Variants in SHISA6 observed in about 807,000 individuals in gnomAD.
SHISA6 encodes protein shisa-6.
Under a neutral mutation model 47.9 loss-of-function variants are expected in SHISA6, and 22 were observed. That is an observed-to-expected ratio of 0.46 (90% CI 0.33 to 0.66). The LOEUF (loss-of-function observed/expected upper bound fraction) is 0.66. Among genes scored for constraint, SHISA6 ranks in the 30% least tolerant of loss-of-function variants. The probability of loss-of-function intolerance (pLI) is 0.02; values close to 1 mark genes in which losing one functional copy is unlikely to be tolerated. For missense variants in SHISA6, 680 were observed against 764.6 expected (o/e 0.89, Z 1.30); for synonymous variants, 388 against 337.8 (o/e 1.15, Z -1.63).
intron 3 of SHISA6, among the ~76,000 whole-genome samples, chr17:11,407,591 TA>T (rs374688931): frequency 7.8e-4 from 119 of 152,278 alleles, no homozygotes; most frequent in African/African-American, 2.6e-3. Context: ...CTAACTTACT[TA>T]TAAAAACAAA....
rs562158409 is a variant in SHISA6 at position 11,484,303 on chromosome 17, T to C, written c.896-67593T>C. On this transcript the variant is annotated intron_variant, in intron 3 of 5. Transcript: ENST00000441885. ...AAATACAAATAAAATATGCAAAGCATGCATCCACATCAATGAGAACAAACT... is the reference window on the plus strand; with the variant it reads ...AAATACAAATAAAATATGCAAAGCACGCATCCACATCAATGAGAACAAACT... Among the ~76,000 whole-genome samples, 133 of 152,342 alleles carry C rather than the reference T, an allele frequency of 8.7e-4. 1 individual carries two copies. The highest frequency in any genetic ancestry group is 3.1e-3 in the African/African-American group (128 of 41,590).
At chr17:11,265,108 G>A (rs989171) in intron 2 of SHISA6, among the ~76,000 whole-genome samples, 149,493 of 152,328 alleles carry the variant, frequency 0.98, 73,406 homozygotes, top group East Asian at 1. Flanking sequence ...ACATGGCAGC[G>A]TTTTAGAATC....
At chr17:11,357,288 G>T (rs2142226131) in intron 2 of SHISA6, among the ~76,000 whole-genome samples, 1 of 151,698 alleles carries the variant, frequency 6.6e-6, no homozygotes, top group East Asian at 1.9e-4. Context: ...TGTGCCTTGT[G>T]TAACTTCTCA....
At chr17:11,329,150 G>A (rs2142202949) in intron 2 of SHISA6, among the ~76,000 whole-genome samples, 1 of 152,292 alleles carries the variant, frequency 6.6e-6, no homozygotes, top group East Asian at 1.9e-4. Context: ...AGGTGGCAGG[G>A]CTTCCTGCTT....
Position 11,263,356 on chromosome 17 carries a change from C to T in SHISA6, c.639-10C>T, listed in dbSNP as rs770380691. 6.4e-7 allele frequency: 1 copy of T among 1,551,960 alleles called. No homozygotes were observed. Among genetic ancestry groups the T allele is most frequent in the Non-Finnish European group, 8.7e-7 (1 of 1,146,998 alleles). ...AGTGAATCTCATTATGTGATCTCCT[C>T]CTTGTTTAGGGCTCTGGCTGACATC... On this transcript the variant is annotated splice_polypyrimidine_tract_variant and intron_variant, in intron 1 of 5. Transcript: ENST00000441885.
chr17:11,483,224 T>C (rs2969203), intron 3 of SHISA6, among the ~76,000 whole-genome samples: 97,146 of 151,400 alleles, frequency 0.64, 32,227 homozygotes, highest in African/African-American at 0.82. Context: ...TCACTTGAAC[T>C]TGGGAGGCGG....
chr17:11,242,350 G>GGAT (rs1319380440), intron 1 of SHISA6, among the ~76,000 whole-genome samples: 12 of 152,232 alleles, frequency 7.9e-5, no homozygotes, highest in Non-Finnish European at 2.9e-5. Flanking sequence ...CTGTAATCGT[G>GGAT]GATGAGGATC....
chr17:11,551,797 C>A, intron 3 of SHISA6, 99 bp from the exon 4 acceptor site: 1 of 1,060,806 alleles, frequency 9.4e-7, no homozygotes, highest in Non-Finnish European at 1.4e-6. Flanking sequence ...TCCTTTAAGT[C>A]AGAGAAGCAC....
intron 2 of SHISA6, among the ~76,000 whole-genome samples, chr17:11,378,329 T>TTG (rs60667121): frequency 0.028 from 4,284 of 150,586 alleles, 173 homozygotes; most frequent in African/African-American, 0.096. Context: ...TTTTTCTATC[T>TTG]TGTGTGTGTG....
At chr17:11,294,358 A>T (rs1909663688) in intron 2 of SHISA6, among the ~76,000 whole-genome samples, 1 of 152,158 alleles carries the variant, frequency 6.6e-6, no homozygotes, top group Admixed American at 6.5e-5. Flanking sequence ...GTTAAACCAG[A>T]GGCTCTAGAC....
intron 2 of SHISA6, among the ~76,000 whole-genome samples, chr17:11,353,259 C>A (rs897074728): frequency 6.6e-6 from 1 of 152,072 alleles, no homozygotes; most frequent in African/African-American, 2.4e-5. Flanking sequence ...GAGTTCGAGG[C>A]CAGCCTGGCC....
intron 3 of SHISA6, chr17:11,379,851 G>A: frequency 4.0e-6 from 1 of 250,990 alleles, no homozygotes; most frequent in Non-Finnish European, 7.6e-6. Flanking sequence ...TCGCCTCTTG[G>A]CTATTATTCC....
intron 2 of SHISA6, among the ~76,000 whole-genome samples, chr17:11,353,974 G>A (rs770373097): frequency 6.6e-6 from 1 of 152,084 alleles, no homozygotes; most frequent in Non-Finnish European, 1.5e-5. Flanking sequence ...GGGGTTTCCC[G>A]ACTTCAGCAC....
intron 3 of SHISA6, among the ~76,000 whole-genome samples, chr17:11,412,623 G>C (rs959723275): frequency 6.6e-6 from 1 of 151,508 alleles, no homozygotes; most frequent in East Asian, 2.0e-4. Flanking sequence ...CTCACTGCAA[G>C]CTCCACCTCC....
intron 3 of SHISA6, among the ~76,000 whole-genome samples, chr17:11,385,167 G>A (rs1312361000): frequency 6.6e-6 from 1 of 152,128 alleles, no homozygotes; most frequent in Non-Finnish European, 1.5e-5. Flanking sequence ...GAGTCCAGAA[G>A]GCCTTAGGAA....
At chr17:11,480,703 C>T (rs1366954722) in intron 3 of SHISA6, among the ~76,000 whole-genome samples, 1 of 152,158 alleles carries the variant, frequency 6.6e-6, no homozygotes, top group African/African-American at 2.4e-5. Flanking sequence ...CAATTATGGT[C>T]CCATGCTGTG....
chr17:11,475,109 T>C (rs1200281432), intron 3 of SHISA6, among the ~76,000 whole-genome samples: 5 of 152,292 alleles, frequency 3.3e-5, no homozygotes, highest in African/African-American at 1.2e-4. Context: ...ATTTTACTTG[T>C]TCATTGACAT....
At chr17:11,455,177 A>AAAAC (rs199965683) in intron 3 of SHISA6, among the ~76,000 whole-genome samples, 4,451 of 151,900 alleles carry the variant, frequency 0.029, 76 homozygotes, top group Middle Eastern at 0.058. Context: ...TCAAAAAAAC[A>AAAAC]AAACAAACAA....
chr17:11,453,750 A>C (rs1324467604), intron 3 of SHISA6, among the ~76,000 whole-genome samples: 1 of 152,244 alleles, frequency 6.6e-6, no homozygotes, highest in Non-Finnish European at 1.5e-5. Context: ...AAAGCATACA[A>C]TAGCATGGAT....
Sources: allele counts gnomAD v4.1 joint callset (sites outside exome capture counted in the v4.1 genomes callset), GRCh38; gene constraint gnomAD v4.1.1; transcripts MANE v1.5; gene names NCBI Gene and HGNC (gene_info 2026-07-23, HGNC 2026-07-21).